Variants in ANTXR1 observed in about 807,000 individuals in gnomAD.
ANTXR1 encodes the protein ANTXR cell adhesion molecule 1.
A neutral mutation model predicts 78.1 loss-of-function variants in ANTXR1; 19 were observed. The ratio of observed to expected loss-of-function variants is 0.24; its 90% confidence interval spans 0.17 to 0.36. ANTXR1 has a LOEUF of 0.36. Among genes scored for constraint, ANTXR1 ranks in the 10% least tolerant of loss-of-function variants. The pLI, the probability that ANTXR1 is intolerant of heterozygous loss-of-function variation, is 1.00. For missense variants in ANTXR1, 518 were observed against 718.6 expected (o/e 0.72, Z 3.19); for synonymous variants, 273 against 260.5 (o/e 1.05, Z -0.46).
chr2:69,225,081 C>T (rs1016205619), intron 17 of ANTXR1, among the ~76,000 whole-genome samples: 2 of 152,126 alleles, frequency 1.3e-5, no homozygotes, highest in Non-Finnish European at 2.9e-5. Context: ...CACTTTGGTC[C>T]TTTTGCCTCC....
chr2:69,216,574 C>A (rs557754951), intron 17 of ANTXR1, among the ~76,000 whole-genome samples: 1 of 152,104 alleles, frequency 6.6e-6, no homozygotes, highest in South Asian at 2.1e-4. Context: ...CACAGTGTGT[C>A]CAGATACAAT....
chr2:69,162,612 ATTAT>A (rs1673710833), intron 13 of ANTXR1, among the ~76,000 whole-genome samples: 1 of 152,166 alleles, frequency 6.6e-6, no homozygotes, highest in African/African-American at 2.4e-5. Context: ...CCCAAGGAAT[ATTAT>A]TTATTACTTG....
intron 17 of ANTXR1, among the ~76,000 whole-genome samples, chr2:69,211,211 A>T (rs1298215702): frequency 2.0e-5 from 3 of 152,194 alleles, no homozygotes; most frequent in Non-Finnish European, 4.4e-5. Context: ...ATGTATATGC[A>T]ACTTCTTCTC....
intron 1 of ANTXR1, among the ~76,000 whole-genome samples, chr2:69,027,350 G>A (rs1671375160): frequency 2.0e-5 from 3 of 152,218 alleles, no homozygotes; most frequent in Admixed American, 2.0e-4. Flanking sequence ...GGATCAAGAT[G>A]AGGCCAGGTA....
chr2:69,163,826 A>G (rs531469338), intron 13 of ANTXR1, among the ~76,000 whole-genome samples: 1 of 152,272 alleles, frequency 6.6e-6, no homozygotes, highest in South Asian at 2.1e-4. Context: ...ACCTGATGTT[A>G]CTCAGTGGCG....
chr2:69,088,176 C>A (rs558837148), intron 8 of ANTXR1, among the ~76,000 whole-genome samples: 172 of 152,222 alleles, frequency 1.1e-3, no homozygotes, highest in African/African-American at 4.0e-3. Flanking sequence ...TATGACAACC[C>A]CTGTTAGTGT....
intron 8 of ANTXR1, among the ~76,000 whole-genome samples, chr2:69,082,152 G>A (rs1670916479): frequency 6.6e-6 from 1 of 152,196 alleles, no homozygotes; most frequent in African/African-American, 2.4e-5. Flanking sequence ...GGCCTGATCT[G>A]AATACACCGT....
chr2:69,102,192 AC>A (rs1345622838), intron 9 of ANTXR1, among the ~76,000 whole-genome samples: 2 of 152,224 alleles, frequency 1.3e-5, no homozygotes, highest in African/African-American at 4.8e-5. Flanking sequence ...TAGCCTATGT[AC>A]TGTTACTGTG....
At chr2:69,175,447 G>A (rs772779843) in intron 14 of ANTXR1, among the ~76,000 whole-genome samples, 13 of 150,428 alleles carry the variant, frequency 8.6e-5, no homozygotes, top group African/African-American at 2.2e-4. Flanking sequence ...CCCCGCCCCC[G>A]CCGCCGATAT....
chr2:69,081,644 A>G (rs927089331), intron 8 of ANTXR1, among the ~76,000 whole-genome samples: 2 of 152,228 alleles, frequency 1.3e-5, no homozygotes, highest in African/African-American at 2.4e-5. Context: ...TCCTATTCCA[A>G]TGTTACAGAT....
intron 11 of ANTXR1, among the ~76,000 whole-genome samples, chr2:69,123,825 A>C (rs1395442140): frequency 6.6e-6 from 1 of 152,208 alleles, no homozygotes. Flanking sequence ...AACAACAAAA[A>C]TAACCTCTCC....
chr2:69,122,953 G>A, intron 10 of ANTXR1, 64 bp from the exon 11 acceptor site: 2 of 1,539,366 alleles, frequency 1.3e-6, no homozygotes, highest in Non-Finnish European at 1.8e-6. Context: ...TTCTCTAGAA[G>A]TCATTGAATT....
chr2:69,188,092 C>G (rs1674464949), intron 16 of ANTXR1, among the ~76,000 whole-genome samples: 1 of 149,454 alleles, frequency 6.7e-6, no homozygotes, highest in Non-Finnish European at 1.5e-5. Context: ...GCTGATGACC[C>G]AGGGTGCTTT....
At chr2:69,167,317 C>G (rs949005039) in intron 13 of ANTXR1, among the ~76,000 whole-genome samples, 2 of 152,208 alleles carry the variant, frequency 1.3e-5, no homozygotes, top group African/African-American at 4.8e-5. Context: ...TAAGGCTACT[C>G]TGTGTGTGGC....
At chr2:69,236,017 A>G (rs1261676505) in intron 17 of ANTXR1, among the ~76,000 whole-genome samples, 1 of 152,172 alleles carries the variant, frequency 6.6e-6, no homozygotes, top group African/African-American at 2.4e-5. Flanking sequence ...TTATAAAACC[A>G]TCAGCTCTCA....
chr2:69,131,363 A>G (rs1253729760), intron 12 of ANTXR1, among the ~76,000 whole-genome samples: 1 of 152,182 alleles, frequency 6.6e-6, no homozygotes, highest in Non-Finnish European at 1.5e-5. Flanking sequence ...CTGGAGAGCC[A>G]CAGACTTGTT....
chr2:69,108,773 C>A (rs760054933), intron 10 of ANTXR1, among the ~76,000 whole-genome samples: 11 of 152,170 alleles, frequency 7.2e-5, no homozygotes, highest in Non-Finnish European at 1.2e-4. Context: ...TAGCTCCAAC[C>A]ATGTTCCTGC....
chr2:69,151,144 A>T (rs1483794879), intron 12 of ANTXR1, among the ~76,000 whole-genome samples: 1 of 136,056 alleles, frequency 7.3e-6, no homozygotes, highest in Non-Finnish European at 1.6e-5. Flanking sequence ...TGTTTTCATT[A>T]TTATTATTAT....
rs188430247 is a variant in ANTXR1, at chr2:69,101,679, A to G, written c.704-1163A>G. Among the ~76,000 whole-genome samples the G allele has an allele frequency of 2.5e-3, 385 of 152,314 alleles. 3 individuals carry two copies. Among genetic ancestry groups the G allele is most frequent in the Non-Finnish European group, 3.9e-3 (265 of 68,018 alleles). ...TCCCATATACTAATTCTCTAATTTC[A>G]TTATTCCTCCAACAACAAGTCTACA... is the stretch of plus-strand genomic sequence containing the variant. On this transcript the variant is annotated intron_variant, in intron 9 of 17. Transcript: ENST00000303714.
Sources: gnomAD v4.1 joint callset for allele counts (sites outside exome capture counted in the v4.1 genomes callset) on GRCh38, gnomAD v4.1.1 for gene constraint, MANE v1.5 for transcripts, NCBI Gene and HGNC (gene_info 2026-07-23, HGNC 2026-07-21) for gene names.